The following RBFOX1 variants were observed in gnomAD, a reference collection of about 807,000 sequenced individuals.
RBFOX1 encodes the protein RNA binding fox-1 homolog 1.
RBFOX1 carries 8 observed loss-of-function variants against 57.7 expected under a neutral mutation model. The observed-to-expected ratio is 0.14, with a 90% confidence interval of 0.08 to 0.25. RBFOX1 has a LOEUF of 0.25. Ranked by LOEUF, RBFOX1 falls within the 10% of genes least tolerant of loss-of-function variation. RBFOX1 has a pLI of 1.00. For missense variants in RBFOX1, 611 were observed against 548.5 expected, an observed-to-expected ratio of 1.11 and a Z score of -1.14; for synonymous variants, 326 against 222.4, an observed-to-expected ratio of 1.47 and a Z score of -4.15.
chr16:6,634,269 G>A lies in RBFOX1; in HGVS notation c.-63-20334G>A, dbSNP rs866534959. On this transcript the variant is annotated intron_variant, in intron 2 of 15. Transcript: ENST00000550418. ...TTACTCCTTTAAGAAAATGATTAGT[G>A]CAACAGGAAAGCAGATTGGCTGAGT... Among the ~76,000 whole-genome samples, 5 of 151,988 alleles carry A rather than the reference G, an allele frequency of 3.3e-5. 1 individual carries two copies. The highest frequency in any genetic ancestry group is 4.1e-4 in the South Asian group (2 of 4,824).
intron 4 of RBFOX1, among the ~76,000 whole-genome samples, chr16:7,337,024 A>G (rs956045040): frequency 6.6e-6 from 1 of 152,194 alleles, no homozygotes; most frequent in Non-Finnish European, 1.5e-5. Flanking sequence ...ACTTTCTGAA[A>G]AAGCCCCCAA....
Position 6,934,581 on chromosome 16 carries a change from A to T in RBFOX1, c.-15-117476A>T, listed in dbSNP as rs115569571. On this transcript the variant is annotated intron_variant, in intron 3 of 15. Coordinates refer to ENST00000550418, the MANE Select transcript of RBFOX1 (RefSeq NM_018723.4). ...AATTTTTTAAAAAGATAACAAAGTC[A>T]TGTCATTTGCAGCAGCACAGATGGA... is the stretch of plus-strand genomic sequence containing the variant. 6.8e-3 allele frequency among the ~76,000 whole-genome samples: 1,035 copies of T among 152,316 alleles called. 10 individuals carry two copies. Among genetic ancestry groups the T allele is most frequent in the African/African-American group, 0.023 (959 of 41,572 alleles).
At chr16:7,098,458 C>T (rs532719554) in intron 4 of RBFOX1, among the ~76,000 whole-genome samples, 36 of 152,254 alleles carry the variant, frequency 2.4e-4, no homozygotes, top group African/African-American at 7.2e-4. Context: ...GCATGAGCTA[C>T]TGTGCCAGGT....
At chr16:5,545,646 A>G (rs1035270761) in intron 2 of RBFOX1, among the ~76,000 whole-genome samples, 3 of 152,272 alleles carry the variant, frequency 2.0e-5, no homozygotes, top group African/African-American at 7.2e-5. Flanking sequence ...AGAATTTAAC[A>G]TCTATTCTCA....
At chr16:5,762,457 A>G (rs1387439171) in intron 3 of RBFOX1, among the ~76,000 whole-genome samples, 3 of 152,304 alleles carry the variant, frequency 2.0e-5, no homozygotes, top group Middle Eastern at 3.4e-3. Flanking sequence ...ACAACGTGGA[A>G]CAACCTTTTG....
chr16:7,624,647 G>T (rs2059809307), intron 10 of RBFOX1, among the ~76,000 whole-genome samples: 1 of 152,134 alleles, frequency 6.6e-6, no homozygotes, highest in African/African-American at 2.4e-5. Context: ...AGAGGCAGAG[G>T]GACTAATAAG....
At chr16:6,566,486 A>G (rs1033058439) in intron 2 of RBFOX1, among the ~76,000 whole-genome samples, 2 of 152,040 alleles carry the variant, frequency 1.3e-5, no homozygotes, top group Admixed American at 1.3e-4. Context: ...TTCTTAATCT[A>G]CAGAGACTTT....
At chr16:5,324,919 G>A (rs1393637639) in intron 1 of RBFOX1, among the ~76,000 whole-genome samples, 1 of 152,172 alleles carries the variant, frequency 6.6e-6, no homozygotes, top group Non-Finnish European at 1.5e-5. Context: ...CCCAGTCTTT[G>A]TCACAGGGAC....
At chr16:6,764,762 C>T (rs190517320) in intron 3 of RBFOX1, among the ~76,000 whole-genome samples, 21 of 152,092 alleles carry the variant, frequency 1.4e-4, no homozygotes, top group Admixed American at 1.4e-3. Context: ...CATGGTGAAA[C>T]CCTGTCTCTA....
At chr16:5,705,530 T>C (rs1336064831) in intron 3 of RBFOX1, among the ~76,000 whole-genome samples, 2 of 152,196 alleles carry the variant, frequency 1.3e-5, no homozygotes, top group African/African-American at 4.8e-5. Context: ...AACACCTCTG[T>C]AATCACGAGC....
At position 6,251,736 on chromosome 16, in the gene RBFOX1, C is replaced by A. The variant is rs541598353; in HGVS notation, c.-126-65259C>A. The stretch of plus-strand genomic sequence containing the variant: ...ATTAAATGAATGAAAAAACTGGACC[C>A]AAACTGATGCTTCCTCTTCATGCTG... On this transcript the variant is annotated intron_variant, in intron 1 of 15. Coordinates refer to ENST00000550418, the MANE Select transcript of RBFOX1 (RefSeq NM_018723.4). 2.0e-5 allele frequency among the ~76,000 whole-genome samples: 3 copies of A among 152,186 alleles called. No homozygotes were observed. In the East Asian group the frequency reaches 5.8e-4, roughly 29 times the overall value.
intron 4 of RBFOX1, among the ~76,000 whole-genome samples, chr16:7,492,702 G>GAT (rs2067307822): frequency 6.6e-6 from 1 of 151,170 alleles, no homozygotes; most frequent in African/African-American, 2.4e-5. Context: ...TACCCTTGGT[G>GAT]GTAGTGGCAT....
chr16:7,468,868 A>G (rs959107789), intron 4 of RBFOX1, among the ~76,000 whole-genome samples: 7 of 152,098 alleles, frequency 4.6e-5, no homozygotes, highest in South Asian at 2.1e-4. Context: ...TGCGAGGATC[A>G]CAGGGTCCCG....
At chr16:6,124,441 C>T (rs145287211) in intron 1 of RBFOX1, among the ~76,000 whole-genome samples, 69 of 152,158 alleles carry the variant, frequency 4.5e-4, no homozygotes, top group African/African-American at 1.6e-3. Flanking sequence ...AGGGATTGAC[C>T]CCTGGGTTAT....
At chr16:6,127,220 T>G (rs2152660648) in intron 1 of RBFOX1, among the ~76,000 whole-genome samples, 1 of 152,182 alleles carries the variant, frequency 6.6e-6, no homozygotes, top group Admixed American at 6.5e-5. Context: ...GAGTCAAAGG[T>G]TTGGGTTTAA....
rs570021129 is a variant in RBFOX1 at position 6,552,688 on chromosome 16, C to G, written c.-63-101915C>G. On this transcript the variant is annotated intron_variant, in intron 2 of 15. Transcript: ENST00000550418. ...CAAAATTTGTATATTCCTTTTGTTGCAGAAATGGGTAATTATGTGATATAC... is the reference window on the plus strand; with the variant it reads ...CAAAATTTGTATATTCCTTTTGTTGGAGAAATGGGTAATTATGTGATATAC... Among the ~76,000 whole-genome samples, 811 of 151,968 alleles carry G rather than the reference C, an allele frequency of 5.3e-3. 3 individuals carry two copies. The highest frequency in any genetic ancestry group is 8.1e-3 in the Non-Finnish European group (553 of 67,970).
chr16:6,859,138 TAC>T (rs1351823807), intron 3 of RBFOX1, among the ~76,000 whole-genome samples: 18 of 102,982 alleles, frequency 1.7e-4, no homozygotes, highest in African/African-American at 7.4e-4. Flanking sequence ...TACATATATA[TAC>T]GTATATATAT....
chr16:6,780,212 T>TATATTTTG, intron 3 of RBFOX1, among the ~76,000 whole-genome samples: 1 of 16,614 alleles, frequency 6.0e-5, no homozygotes, highest in African/African-American at 2.3e-4. Context: ...TATATATTTA[T>TATATTTTG]ATATATTTAT....
intron 1 of RBFOX1, among the ~76,000 whole-genome samples, chr16:6,211,981 C>G (rs2097301545): frequency 1.3e-5 from 2 of 152,042 alleles, no homozygotes; most frequent in Non-Finnish European, 2.9e-5. Context: ...TCCAGAGTAG[C>G]TAGGATTACA....
Sources: allele counts gnomAD v4.1 joint callset (sites outside exome capture counted in the v4.1 genomes callset), GRCh38; gene constraint gnomAD v4.1.1; transcripts MANE v1.5; gene names NCBI Gene and HGNC (gene_info 2026-07-23, HGNC 2026-07-21).